ZNF804B: variants seen among roughly 807,000 people sequenced by gnomAD.
ZNF804B encodes the protein zinc finger protein 804B, also known as zinc finger 804B.
In ZNF804B, 80 loss-of-function variants were observed where a neutral mutation model predicts 101.4. The observed-to-expected ratio is 0.79, with a 90% CI of 0.66 to 0.95. The LOEUF (loss-of-function observed/expected upper bound fraction) is 0.95. Among genes scored for constraint, ZNF804B ranks in the 40% least tolerant of loss-of-function variants. The pLI is 0.00. For synonymous variants in ZNF804B, 622 were observed against 558.8 expected (o/e 1.11, Z -1.59); for missense variants, 1,673 against 1,561.9 (o/e 1.07, Z -1.20).
At chr7:88,828,540 T>G (rs1181457867) in intron 1 of ZNF804B, among the ~76,000 whole-genome samples, 1 of 152,154 alleles carries the variant, frequency 6.6e-6, no homozygotes, top group African/African-American at 2.4e-5. Context: ...ATTTTCAATT[T>G]AAACATCATT....
intron 1 of ZNF804B, among the ~76,000 whole-genome samples, chr7:89,050,269 A>G (rs375382466): frequency 6.6e-6 from 1 of 152,288 alleles, no homozygotes; most frequent in Non-Finnish European, 1.5e-5. Flanking sequence ...TGAACTTCCT[A>G]TAATTTCCTT....
chr7:89,289,516 A>G (rs565698654), intron 2 of ZNF804B, among the ~76,000 whole-genome samples: 1 of 152,308 alleles, frequency 6.6e-6, no homozygotes, highest in African/African-American at 2.4e-5. Flanking sequence ...AGCAGCAGCC[A>G]TGTGGTACAG....
chr7:89,136,725 G>A (rs935544131), intron 1 of ZNF804B, among the ~76,000 whole-genome samples: 1 of 130,372 alleles, frequency 7.7e-6, no homozygotes, highest in Non-Finnish European at 1.6e-5. Context: ...AATTATATTT[G>A]TGTGTGTGTG....
At chr7:88,886,375 G>A (rs936628345) in intron 1 of ZNF804B, among the ~76,000 whole-genome samples, 1 of 152,086 alleles carries the variant, frequency 6.6e-6, no homozygotes, top group African/African-American at 2.4e-5. Context: ...CCTGGGTGAT[G>A]AAGTAATCTT....
At chr7:89,331,574 T>G (rs533429028) in intron 3 of ZNF804B, among the ~76,000 whole-genome samples, 23 of 151,848 alleles carry the variant, frequency 1.5e-4, no homozygotes, top group Admixed American at 1.4e-3. Context: ...TTAAAGGAAC[T>G]CTGTAATTCT....
intron 2 of ZNF804B, among the ~76,000 whole-genome samples, chr7:89,289,592 C>A (rs536636094): frequency 6.6e-6 from 1 of 152,164 alleles, no homozygotes; most frequent in African/African-American, 2.4e-5. Flanking sequence ...AAGCTCAGTG[C>A]TGCCCTGTCA....
At chr7:89,016,609 G>T (rs566034917) in intron 1 of ZNF804B, among the ~76,000 whole-genome samples, 7 of 149,856 alleles carry the variant, frequency 4.7e-5, no homozygotes, top group Admixed American at 3.3e-4. Context: ...TTTCCCCATT[G>T]CTTGTTTTTC....
intron 1 of ZNF804B, among the ~76,000 whole-genome samples, chr7:88,913,460 T>A (rs939434152): frequency 2.6e-5 from 4 of 152,140 alleles, no homozygotes; most frequent in Non-Finnish European, 5.9e-5. Context: ...AGTGGTGCAA[T>A]CTTGGCTTAC....
intron 1 of ZNF804B, among the ~76,000 whole-genome samples, chr7:88,966,898 C>A (rs1252588866): frequency 6.6e-6 from 1 of 151,218 alleles, no homozygotes; most frequent in East Asian, 2.0e-4. Context: ...CATAGGTGTA[C>A]TGATTCCATT....
chr7:89,209,939 A>T (rs910755190), intron 1 of ZNF804B, among the ~76,000 whole-genome samples: 1 of 152,242 alleles, frequency 6.6e-6, no homozygotes, highest in East Asian at 1.9e-4. Flanking sequence ...ACCTGAGGTC[A>T]GGAGTTCTAG....
intron 2 of ZNF804B, among the ~76,000 whole-genome samples, chr7:89,309,519 T>C (rs1584117693): frequency 6.6e-6 from 1 of 151,974 alleles, no homozygotes; most frequent in Admixed American, 6.6e-5. Flanking sequence ...CCCAGCACTT[T>C]GGGAAGCCAA....
chr7:89,092,486 C>T (rs139148830), intron 1 of ZNF804B, among the ~76,000 whole-genome samples: 4 of 137,896 alleles, frequency 2.9e-5, no homozygotes, highest in Admixed American at 8.3e-5. Flanking sequence ...CATCTTGGCT[C>T]ACTGCAAGCT....
At chr7:88,996,426 T>C (rs909064148) in intron 1 of ZNF804B, among the ~76,000 whole-genome samples, 2 of 152,110 alleles carry the variant, frequency 1.3e-5, no homozygotes, top group African/African-American at 4.8e-5. Context: ...TTGATTGCAA[T>C]TCTTCCTTAT....
intron 1 of ZNF804B, among the ~76,000 whole-genome samples, chr7:88,815,193 AT>A (rs1214555105): frequency 2.0e-5 from 3 of 147,754 alleles, no homozygotes; most frequent in South Asian, 2.1e-4. Context: ...TAAAATATAT[AT>A]TTTTATATAT....
At chr7:89,283,600 AT>A (rs1329127042) in intron 2 of ZNF804B, among the ~76,000 whole-genome samples, 1 of 152,130 alleles carries the variant, frequency 6.6e-6, no homozygotes, top group African/African-American at 2.4e-5. Context: ...TTATATTCAC[AT>A]TGTACTCGGC....
At chr7:89,098,922 A>C (rs1020288614) in intron 1 of ZNF804B, among the ~76,000 whole-genome samples, 2 of 151,680 alleles carry the variant, frequency 1.3e-5, no homozygotes, top group Non-Finnish European at 2.9e-5. Flanking sequence ...AAAATTTCTT[A>C]CTGAAAAGTA....
intron 1 of ZNF804B, among the ~76,000 whole-genome samples, chr7:88,869,897 A>G (rs1448331403): frequency 6.6e-6 from 1 of 152,228 alleles, no homozygotes; most frequent in Non-Finnish European, 1.5e-5. Context: ...CATTTGGAAG[A>G]TGTATCAGCC....
At chr7:89,050,621 C>T (rs1789186959) in intron 1 of ZNF804B, among the ~76,000 whole-genome samples, 1 of 152,134 alleles carries the variant, frequency 6.6e-6, no homozygotes, top group Admixed American at 6.5e-5. Flanking sequence ...GAATACAATT[C>T]TCATCTTCTA....
At chr7:89,206,311 A>G (rs1386001163) in intron 1 of ZNF804B, among the ~76,000 whole-genome samples, 1 of 152,230 alleles carries the variant, frequency 6.6e-6, no homozygotes, top group Non-Finnish European at 1.5e-5. Flanking sequence ...ACTTATGCAA[A>G]TTTCTGCAGC....
Sources: gnomAD v4.1 joint callset for allele counts (sites outside exome capture counted in the v4.1 genomes callset) on GRCh38, gnomAD v4.1.1 for gene constraint, MANE v1.5 for transcripts, NCBI Gene and HGNC (gene_info 2026-07-23, HGNC 2026-07-21) for gene names.